Variants in PAPOLA observed in about 807,000 individuals in gnomAD.
The protein encoded by PAPOLA is poly(A) polymerase alpha.
Under a neutral mutation model 100.6 loss-of-function variants are expected in PAPOLA, and 15 were observed. The ratio of observed to expected loss-of-function variants is 0.15; its 90% CI spans 0.10 to 0.23. The LOEUF is 0.23. PAPOLA is among the 10% of genes least tolerant of loss of function. The pLI is 1.00. For synonymous variants in PAPOLA, 293 were observed against 300.0 expected, an observed-to-expected ratio of 0.98 and a Z score of 0.24; for missense variants, 533 against 884.2, an observed-to-expected ratio of 0.60 and a Z score of 5.04.
At chr14:96,562,754 C>A in intron 20 of PAPOLA, 65 bp from the exon 21 acceptor site, 1 of 962,040 alleles carries the variant, frequency 1.0e-6, no homozygotes, top group Non-Finnish European at 1.6e-6. Context: ...CCACCAAACC[C>A]AGTTATGTTC....
chr14:96,527,801 A>G, intron 5 of PAPOLA, 152 bp from the exon 6 acceptor site: 1 of 682,718 alleles, frequency 1.5e-6, no homozygotes, highest in East Asian at 2.5e-5. Flanking sequence ...GGTGAAGTAA[A>G]ATATTTGAAC....
At chr14:96,511,745 A>G (rs1372894065) in intron 1 of PAPOLA, among the ~76,000 whole-genome samples, 1 of 152,220 alleles carries the variant, frequency 6.6e-6, no homozygotes, top group East Asian at 1.9e-4. Flanking sequence ...GTACATTTCA[A>G]CCTCATAAAT....
At position 96,532,266 on chromosome 14, in the gene PAPOLA, TTTTTG is replaced by T. The variant is rs530933490; in HGVS notation, c.608-48_608-44del. 5.9e-4 allele frequency: 880 copies of T among 1,494,266 alleles called. 1 individual carries two copies. Among genetic ancestry groups the T allele is most frequent in the African/African-American group, 1.9e-3 (131 of 69,890 alleles). The allele number at this position is 1,494,266 out of a possible 1,614,324, so 92.6% of individuals were successfully genotyped here. On this transcript the variant is annotated intron_variant, in intron 7 of 21. Coordinates refer to ENST00000216277, the MANE Select transcript of PAPOLA (RefSeq NM_032632.5). The stretch of plus-strand genomic sequence containing the variant: ...ACTTTTGATGATTTAATGTTGTTTT[TTTTTG>T]TTTTGTTTTGTTTTGTGTGTGTGTG...
chr14:96,515,144 T>A (rs532945202), intron 1 of PAPOLA, among the ~76,000 whole-genome samples: 1 of 152,228 alleles, frequency 6.6e-6, no homozygotes, highest in African/African-American at 2.4e-5. Context: ...CGAATTGTTA[T>A]ATAGAATGTT....
rs1391810201 is a variant in PAPOLA, at chr14:96,544,232, A to C, written c.1373A>C (p.Tyr458Ser). 1 of 1,574,202 alleles carries C rather than the reference A, an allele frequency of 6.4e-7. No individual in the cohort carries two copies. The highest frequency in any genetic ancestry group is 1.1e-5 in the South Asian group (1 of 90,014). Residue 458 changes from tyrosine to serine, a missense_variant, in exon 15 of 22, where the codon TAT becomes TCT. Around this residue, in one of 9 missense-constraint regions of PAPOLA, gnomAD observed 18 missense variants for 74.9 expected, o/e 0.24. Coordinates refer to ENST00000216277, the MANE Select transcript of PAPOLA (RefSeq NM_032632.5). ...NSENLSVDLTYDIQSFTDTVY... is the reference protein window; with the variant it reads ...NSENLSVDLTSDIQSFTDTVY... ...GAAAACCTCAGTGTTGATCTCACCT[A>C]TGATATTCAGTCTTTCACAGATACA...
At chr14:96,533,093 C>A (rs1459841312) in intron 9 of PAPOLA, 2 of 978,038 alleles carry the variant, frequency 2.0e-6, no homozygotes, top group Non-Finnish European at 2.4e-6. Context: ...TACGAATTTT[C>A]ATAAGAAGCT....
chr14:96,524,494 C>G (rs564721958), intron 3 of PAPOLA, among the ~76,000 whole-genome samples: 3 of 151,882 alleles, frequency 2.0e-5, no homozygotes, highest in Admixed American at 6.6e-5. Context: ...TTCCCGTTCC[C>G]CTTCCCCTTC....
intron 12 of PAPOLA, 85 bp from the exon 13 acceptor site, chr14:96,542,158 G>T: frequency 1.3e-6 from 1 of 787,970 alleles, no homozygotes; most frequent in Non-Finnish European, 2.1e-6. Flanking sequence ...ATCTATAACT[G>T]TAAGGAAGCT....
intron 7 of PAPOLA, 44 bp from the exon 8 acceptor site, chr14:96,532,287 T>G: frequency 1.7e-6 from 2 of 1,164,034 alleles, no homozygotes; most frequent in South Asian, 3.0e-5. Context: ...TTTTGTTTTG[T>G]GTGTGTGTGT....
chr14:96,551,060 G>C (rs913139487), intron 16 of PAPOLA, among the ~76,000 whole-genome samples: 13 of 152,122 alleles, frequency 8.5e-5, no homozygotes, highest in Non-Finnish European at 1.8e-4. Flanking sequence ...TATGTTCTTT[G>C]TTTTATTTTA....
chr14:96,560,675 T>G lies in PAPOLA; in HGVS notation c.2031T>G (p.Cys677Trp). ...EEDETSEDAN[C>W]LALSGHDKTE... ...ATGAAACAAGTGAAGATGCTAACTG[T>G]CTTGCTTTGAGTGGACATGATAAAA... The change falls in exon 20 of 22, where the codon TGT (cysteine) becomes TGG (tryptophan). Residue 677 changes from cysteine to tryptophan, a missense_variant. This residue lies in a region of PAPOLA where 242 missense variants were observed against 281.0 expected (regional missense o/e 0.86). Coordinates refer to ENST00000216277, the MANE Select transcript of PAPOLA (RefSeq NM_032632.5). The G allele has an allele frequency of 1.2e-6, 2 of 1,609,008 alleles. No homozygotes were observed. The highest frequency in any genetic ancestry group is 1.7e-6 in the Non-Finnish European group (2 of 1,176,316).
At chr14:96,551,354 A>G (rs1410242440) in intron 16 of PAPOLA, among the ~76,000 whole-genome samples, 1 of 152,162 alleles carries the variant, frequency 6.6e-6, no homozygotes, top group Non-Finnish European at 1.5e-5. Flanking sequence ...GCATTGTTGA[A>G]TAGAAGAGAT....
chr14:96,527,362 CCA>C, intron 4 of PAPOLA, 66 bp from the exon 5 acceptor site: 1 of 920,518 alleles, frequency 1.1e-6, no homozygotes, highest in East Asian at 2.5e-5. Flanking sequence ...TCAAATACTA[CCA>C]TGATAGGATG....
At chr14:96,513,394 T>G (rs1267467265) in intron 1 of PAPOLA, among the ~76,000 whole-genome samples, 1 of 152,210 alleles carries the variant, frequency 6.6e-6, no homozygotes, top group Non-Finnish European at 1.5e-5. Context: ...TTATGTAATT[T>G]ATATTTTAAA....
intron 19 of PAPOLA, among the ~76,000 whole-genome samples, chr14:96,559,581 C>CTCTCTCTCTCTCTCTCTCTCTCTCTA (rs370979875): frequency 8.3e-6 from 1 of 120,182 alleles, no homozygotes; most frequent in African/African-American, 3.4e-5. Context: ...CTCTCTCTCT[C>CTCTCTCTCTCTCTCTCTCTCTCTCTA]TATATATATA....
chr14:96,533,094 A>C, intron 9 of PAPOLA: 1 of 979,654 alleles, frequency 1.0e-6, no homozygotes, highest in Non-Finnish European at 1.2e-6. Flanking sequence ...ACGAATTTTC[A>C]TAAGAAGCTT....
intron 3 of PAPOLA, among the ~76,000 whole-genome samples, chr14:96,523,908 C>T (rs1419071154): frequency 4.0e-5 from 6 of 150,056 alleles, no homozygotes; most frequent in African/African-American, 9.9e-5. Context: ...GCGCCCGTTG[C>T]ACTGCAGCCT....
In PAPOLA at chr14:96,565,201, G is replaced by T. The variant is rs1029550686; in HGVS notation, c.*151G>T. On this transcript the variant is annotated 3_prime_UTR_variant, in exon 22 of 22. Transcript: ENST00000216277. ...TCCCTTACTGGGCTAATCAGCACTT[G>T]ATCGGAAGTCCAGGTTAGTATGTGA... The T allele has an allele frequency of 1.7e-5, 10 of 573,112 alleles. No homozygotes were observed. The highest frequency in any genetic ancestry group is 3.2e-5 in the Non-Finnish European group (10 of 314,490). 35.5% of individuals were successfully genotyped at this position (573,112 alleles called of 1,614,324 possible).
At chr14:96,537,859 T>C (rs1398741391) in intron 12 of PAPOLA, 2 of 152,008 alleles carry the variant, frequency 1.3e-5, no homozygotes, top group Non-Finnish European at 2.9e-5. Flanking sequence ...CTAAGCAAGA[T>C]TGCTTTATGC....
Sources: gnomAD v4.1 joint callset for allele counts (sites outside exome capture counted in the v4.1 genomes callset) on GRCh38, gnomAD v4.1.1 for gene constraint, gnomAD v4.1.1 regional missense constraint, MANE v1.5 for transcripts, NCBI Gene and HGNC (gene_info 2026-07-23, HGNC 2026-07-21) for gene names.